Variants in IFT122 observed in about 807,000 individuals in gnomAD.
IFT122 encodes intraflagellar transport 122.
In IFT122, 118 loss-of-function variants were observed where a neutral mutation model predicts 161.6. The observed-to-expected ratio is 0.73, with a 90% CI of 0.63 to 0.85. The LOEUF (loss-of-function observed/expected upper bound fraction) is 0.85, where lower values mean the gene tolerates loss of function less well. Among genes scored for constraint, IFT122 ranks in the 40% least tolerant of loss-of-function variants. IFT122 has a pLI of 0.00. For synonymous variants in IFT122, 550 were observed against 602.4 expected, an observed-to-expected ratio of 0.91 and a Z score of 1.27; for missense variants, 1,381 against 1,579.6, an observed-to-expected ratio of 0.87 and a Z score of 2.13.
chr3:129,507,594 C>A, intron 22 of IFT122, 74 bp from the exon 23 acceptor site: 1 of 1,144,394 alleles, frequency 8.7e-7, no homozygotes, highest in East Asian at 2.3e-5. Context: ...TTGCCTGGCC[C>A]CTCCTCCTGG....
chr3:129,507,851 A>G (rs1304741548), intron 23 of IFT122, 89 bp downstream of exon 23: 4 of 988,614 alleles, frequency 4.0e-6, no homozygotes, highest in East Asian at 2.4e-5. Context: ...ACTGGATGGA[A>G]TGTAACCCAC....
intron 3 of IFT122, 60 bp downstream of exon 3, chr3:129,452,058 C>CT (rs1553732438): frequency 7.2e-6 from 9 of 1,242,358 alleles, no homozygotes; most frequent in African/African-American, 1.5e-5. Flanking sequence ...TCATTTTTCT[C>CT]TTTAGTCACT....
chr3:129,477,690 T>A (rs1315703786), intron 11 of IFT122, among the ~76,000 whole-genome samples: 2 of 152,172 alleles, frequency 1.3e-5, no homozygotes, highest in Admixed American at 6.5e-5. Flanking sequence ...GTGAGGTCAG[T>A]TACTTAGGCA....
chr3:129,455,298 G>T (rs537981794), intron 3 of IFT122, among the ~76,000 whole-genome samples: 1 of 151,756 alleles, frequency 6.6e-6, no homozygotes, highest in African/African-American at 2.4e-5. Context: ...TCAGCCTCCT[G>T]AGTAGCTGGG....
At chr3:129,507,632 T>C in intron 22 of IFT122, 36 bp from the exon 23 acceptor site, 1 of 1,557,734 alleles carries the variant, frequency 6.4e-7, no homozygotes, top group South Asian at 1.1e-5. Flanking sequence ...AGACACTGTT[T>C]GACACGTTTC....
At chr3:129,461,603 C>A (rs2108075750) in intron 5 of IFT122, 1 of 443,260 alleles carries the variant, frequency 2.3e-6, no homozygotes, top group East Asian at 4.8e-5. Context: ...GGGAAGCCTT[C>A]CCTTGGTGTT....
chr3:129,464,912 T>C, intron 7 of IFT122, 131 bp downstream of exon 7: 2 of 1,022,530 alleles, frequency 2.0e-6, no homozygotes, highest in Non-Finnish European at 3.0e-6. Context: ...CCTGTCCCAT[T>C]TGTATGGATT....
intron 9 of IFT122, among the ~76,000 whole-genome samples, chr3:129,472,998 T>C (rs1304380937): frequency 6.6e-6 from 1 of 152,216 alleles, no homozygotes; most frequent in African/African-American, 2.4e-5. Flanking sequence ...TTATAATAAC[T>C]GTTTTAAAAT....
At chr3:129,454,014 T>C (rs1032248398) in intron 3 of IFT122, among the ~76,000 whole-genome samples, 2 of 152,182 alleles carry the variant, frequency 1.3e-5, no homozygotes, top group African/African-American at 4.8e-5. Flanking sequence ...AGTCACAAAA[T>C]TGTAATGTTA....
chr3:129,509,065 G>A (rs2082491372), intron 23 of IFT122, among the ~76,000 whole-genome samples: 1 of 152,196 alleles, frequency 6.6e-6, no homozygotes, highest in Non-Finnish European at 1.5e-5. Context: ...GAACTGCTTT[G>A]GAGCTTTTTC....
intron 9 of IFT122, among the ~76,000 whole-genome samples, 198 bp downstream of exon 9, chr3:129,469,615 C>A (rs1003843284): frequency 2.6e-5 from 4 of 152,202 alleles, no homozygotes; most frequent in Non-Finnish European, 5.9e-5. Flanking sequence ...GTGGGTACTA[C>A]TTTCCTTATC....
intron 26 of IFT122, among the ~76,000 whole-genome samples, chr3:129,516,324 C>CACAG (rs2083593743): frequency 6.9e-6 from 1 of 145,762 alleles, no homozygotes; most frequent in Non-Finnish European, 1.5e-5. Flanking sequence ...TGCCCCTGCA[C>CACAG]ACACACAGAG....
In IFT122 at chr3:129,479,799, G is replaced by A. The variant is rs771488065; in HGVS notation, c.1365G>A (p.Gln455=). 6.2e-7 allele frequency: 1 copy of A among 1,614,068 alleles called. No homozygotes were observed. Among genetic ancestry groups the A allele is most frequent in the South Asian group, 1.1e-5 (1 of 91,068 alleles). ...TTGCTTCCTAGGAGAAACGGCTGCA[G>A]TGCCTGTCCTTCAGCGGAGTGAAGG... ...HIILCQEKRL[Q]CLSFSGVKER... The change falls in exon 13 of 30, where the codon CAG becomes CAA. Residue 455 remains glutamine (Q), a synonymous_variant. Transcript: ENST00000348417.
At chr3:129,471,459 G>A (rs1012631919) in intron 9 of IFT122, among the ~76,000 whole-genome samples, 25 of 151,640 alleles carry the variant, frequency 1.6e-4, no homozygotes, top group African/African-American at 4.9e-4. Flanking sequence ...TACTGTGTAC[G>A]AGGCACTGGA....
chr3:129,466,495 C>CTTTT (rs527470540), intron 7 of IFT122, among the ~76,000 whole-genome samples: 59 of 102,174 alleles, frequency 5.8e-4, no homozygotes, highest in Non-Finnish European at 7.9e-4. Context: ...TATTTTTATT[C>CTTTT]TTTTTTTTTT....
rs754315013 is a variant in IFT122, at chr3:129,506,364, TC to T, written c.2651-43del. The T allele has an allele frequency of 3.1e-6, 5 of 1,607,520 alleles. No individual in the cohort carries two copies. The Admixed American group carries it at 5.0e-5, about 16-fold the overall frequency. On this transcript the variant is annotated intron_variant, in intron 21 of 29. Transcript: ENST00000348417. Reference sequence around the variant, plus strand: ...GCTCCATCCTGCCTCCTGTGTGACTTCCTAAATAGCATGTGCTTTTTTCCTC... The same window carrying T: ...GCTCCATCCTGCCTCCTGTGTGACTTCTAAATAGCATGTGCTTTTTTCCTC...
At chr3:129,441,292 C>G (rs76040966) in intron 1 of IFT122, among the ~76,000 whole-genome samples, 1 of 152,144 alleles carries the variant, frequency 6.6e-6, no homozygotes, top group African/African-American at 2.4e-5. Flanking sequence ...TAAAGCATGC[C>G]GTCTCTCCTC....
intron 5 of IFT122, 147 bp downstream of exon 5, chr3:129,461,451 ATTC>A: frequency 1.4e-6 from 1 of 710,024 alleles, no homozygotes; most frequent in Non-Finnish European, 2.6e-6. Flanking sequence ...GCTGACAGTT[ATTC>A]TTTAAATTGT....
chr3:129,506,331 C>G lies in IFT122; in HGVS notation c.2651-78C>G, dbSNP rs527934495. 7.7e-6 allele frequency: 12 copies of G among 1,549,510 alleles called. No individual in the cohort carries two copies. The South Asian group carries it at 1.3e-4, about 17-fold the overall frequency. On this transcript the variant is annotated intron_variant, in intron 21 of 29. Coordinates refer to ENST00000348417, the MANE Select transcript of IFT122 (RefSeq NM_052989.3). ...ACTTCCAAAGCAGCCCTGTGCAAGC[C>G]CCACAGAGCTCCATCCTGCCTCCTG...
Sources: allele counts gnomAD v4.1 joint callset (sites outside exome capture counted in the v4.1 genomes callset), GRCh38; gene constraint gnomAD v4.1.1; transcripts MANE v1.5; gene names NCBI Gene and HGNC (gene_info 2026-07-23, HGNC 2026-07-21).